Variants in MAP3K2 observed in about 807,000 individuals in gnomAD.
The protein encoded by MAP3K2 is mitogen-activated protein kinase kinase kinase 2.
In MAP3K2, 24 loss-of-function variants were observed where a neutral mutation model predicts 80.3. The ratio of observed to expected loss-of-function variants is 0.30; its 90% confidence interval spans 0.22 to 0.42. The LOEUF (loss-of-function observed/expected upper bound fraction) is 0.42, where lower values mean the gene tolerates loss of function less well. Ranked by LOEUF, MAP3K2 falls within the 10% of genes least tolerant of loss-of-function variation. The pLI is 1.00. For missense variants in MAP3K2, 608 were observed against 750.1 expected, an observed-to-expected ratio of 0.81 and a Z score of 2.21; for synonymous variants, 244 against 253.7, an observed-to-expected ratio of 0.96 and a Z score of 0.36.
At position 127,329,411 on chromosome 2, in the gene MAP3K2, C is replaced by T. The variant is rs1484691791; in HGVS notation, c.466+510G>A. Among the ~76,000 whole-genome samples the T allele has an allele frequency of 2.7e-5, 4 of 147,450 alleles. No homozygotes were observed. In the East Asian group the frequency reaches 6.0e-4, roughly 22 times the overall value. On this transcript the variant is annotated intron_variant, in intron 7 of 16. Coordinates refer to ENST00000682094, the MANE Select transcript of MAP3K2 (RefSeq NM_001371910.2). ...CTTGCTTTGTCGCCAGGCTGGAGTG[C>T]AGTGGCACAATCTCGGCTCACTGCA... is the stretch of plus-strand genomic sequence containing the variant.
intron 2 of MAP3K2, among the ~76,000 whole-genome samples, chr2:127,341,530 GTTTT>G (rs1341901292): frequency 1.1e-5 from 1 of 91,160 alleles, no homozygotes. Context: ...TTTTTTTGTT[GTTTT>G]TTTTTTTTTT....
Position 127,303,263 on chromosome 2 carries a change from G to A in MAP3K2, c.*4316C>T, listed in dbSNP as rs140594786. On this transcript the variant is annotated 3_prime_UTR_variant, in exon 17 of 17. Coordinates refer to ENST00000682094, the MANE Select transcript of MAP3K2 (RefSeq NM_001371910.2). ...TGACAGAGTTCAATTTCTATCAAAT[G>A]TTTTGGGTATTTTCACAATTTAGAC... 6.6e-6 allele frequency: 1 copy of A among 150,662 alleles called. No individual in the cohort carries two copies. Among genetic ancestry groups the A allele is most frequent in the African/African-American group, 2.4e-5 (1 of 41,010 alleles). 9.3% of individuals were successfully genotyped at this position (150,662 alleles called of 1,614,324 possible).
chr2:127,343,875 C>T (rs1416982821), intron 1 of MAP3K2, among the ~76,000 whole-genome samples: 1 of 151,832 alleles, frequency 6.6e-6, no homozygotes, highest in Non-Finnish European at 1.5e-5. Context: ...AAAAATTAGC[C>T]GGGTGCAGTA....
intron 1 of MAP3K2, among the ~76,000 whole-genome samples, chr2:127,351,072 T>C (rs987659220): frequency 3.9e-5 from 6 of 152,264 alleles, no homozygotes; most frequent in South Asian, 4.1e-4. Context: ...GTCGAAATCA[T>C]GAAAGTCAAG....
In MAP3K2 at chr2:127,325,805, C is replaced by T; in HGVS notation, c.600G>A (p.Met200Ile). The change falls in exon 9 of 17, where the codon ATG (methionine) becomes ATA (isoleucine). Residue 200 changes from methionine (M) to isoleucine (I), a missense_variant and splice_region_variant. Met to Ile is a conservative substitution (Grantham distance 10). Around this residue, in one of 4 missense-constraint regions of MAP3K2, gnomAD observed 467 missense variants for 521.9 expected, o/e 0.89. Transcript: ENST00000682094. ...GGCTGCTTAAAGATAATGGATCCAGCATCTAGGAAAAAAAGGAGTTCCACC... is the reference window on the plus strand; with the variant it reads ...GGCTGCTTAAAGATAATGGATCCAGTATCTAGGAAAAAAAGGAGTTCCACC... ...GEFIPESMDQ[M>I]LDPLSLSSPE... 1 of 1,609,906 alleles carries T rather than the reference C, an allele frequency of 6.2e-7. No homozygotes were observed. The highest frequency in any genetic ancestry group is 8.5e-7 in the Non-Finnish European group (1 of 1,177,798).
At chr2:127,378,102 C>T (rs1435002215) in intron 1 of MAP3K2, 10 of 866,480 alleles carry the variant, frequency 1.2e-5, no homozygotes, top group Non-Finnish European at 1.4e-5. Flanking sequence ...AGAAGCTTTA[C>T]CAGAATGCAA....
intron 1 of MAP3K2, among the ~76,000 whole-genome samples, chr2:127,346,409 T>TAAAAAAAAAAAAAAAAAA (rs1223353072): frequency 2.3e-5 from 2 of 85,312 alleles, no homozygotes; most frequent in Non-Finnish European, 2.3e-5. Context: ...AAAACTGGTT[T>TAAAAAAAAAAAAAAAAAA]TAAAAAAAAA....
chr2:127,375,418 A>ATT (rs767717946), intron 1 of MAP3K2, among the ~76,000 whole-genome samples: 2 of 142,048 alleles, frequency 1.4e-5, no homozygotes, highest in African/African-American at 5.3e-5. Context: ...TTATTTATTT[A>ATT]TTTTTTTTTT....
In MAP3K2 at chr2:127,364,532, A is replaced by G. The variant is rs1325939586; in HGVS notation, c.-65-21338T>C. Among the ~76,000 whole-genome samples, 1 of 152,168 alleles carries G rather than the reference A, an allele frequency of 6.6e-6. No individual in the cohort carries two copies. Among genetic ancestry groups the G allele is most frequent in the Non-Finnish European group, 1.5e-5 (1 of 68,022 alleles). ...TGTGGACTGTCAGACGATGTGCTAGACATTTCACATACACTACCACCTAAC... is the reference window on the plus strand; with the variant it reads ...TGTGGACTGTCAGACGATGTGCTAGGCATTTCACATACACTACCACCTAAC... On this transcript the variant is annotated intron_variant, in intron 1 of 16. Transcript: ENST00000682094. The surrounding 1 kb of genome is among the most constrained non-coding windows in gnomAD (Gnocchi z 4.1).
chr2:127,373,111 G>A (rs1687093599), intron 1 of MAP3K2, among the ~76,000 whole-genome samples: 1 of 152,188 alleles, frequency 6.6e-6, no homozygotes, highest in Non-Finnish European at 1.5e-5. Flanking sequence ...GATTCCAATG[G>A]AAAGTGCTTC....
At position 127,324,232 on chromosome 2, in the gene MAP3K2, A is replaced by G; in HGVS notation, c.687T>C (p.Tyr229=). The change falls in exon 10 of 17, where the codon TAT becomes TAC. Residue 229 remains tyrosine, a synonymous_variant. Coordinates refer to ENST00000682094, the MANE Select transcript of MAP3K2 (RefSeq NM_001371910.2). The part of the protein sequence containing the change: ...SLDSPLDGES[Y]PKSRMPRAQS... ...GAGCCCTAGGCATTCGTGATTTTGG[A>G]TAGCTCTCTCTATAAAGAAAAAACA... The G allele has an allele frequency of 6.4e-7, 1 of 1,555,936 alleles. No individual in the cohort carries two copies. Among genetic ancestry groups the G allele is most frequent in the Admixed American group, 2.0e-5 (1 of 50,396 alleles).
intron 1 of MAP3K2, among the ~76,000 whole-genome samples, chr2:127,349,020 T>C (rs889867699): frequency 3.3e-5 from 5 of 152,214 alleles, no homozygotes; most frequent in Admixed American, 6.5e-5. Context: ...CATGCTGCCA[T>C]TTTGTAAGCA....
intron 1 of MAP3K2, among the ~76,000 whole-genome samples, chr2:127,379,466 C>T (rs1042572851): frequency 5.3e-5 from 8 of 152,180 alleles, no homozygotes; most frequent in Non-Finnish European, 4.4e-5. Flanking sequence ...GTCTAGATCC[C>T]AAGCTCATAA....
chr2:127,379,798 CT>C (rs1442721210), intron 1 of MAP3K2, among the ~76,000 whole-genome samples: 1 of 152,198 alleles, frequency 6.6e-6, no homozygotes, highest in African/African-American at 2.4e-5. Flanking sequence ...GCCAGGCTGC[CT>C]GAGTTCAAGT....
intron 9 of MAP3K2, 32 bp downstream of exon 9, chr2:127,325,696 A>T (rs747110582): frequency 6.5e-7 from 1 of 1,545,004 alleles, no homozygotes; most frequent in African/African-American, 1.4e-5. Flanking sequence ...AAATAAACAA[A>T]TAAACCCTCC....
intron 1 of MAP3K2, among the ~76,000 whole-genome samples, chr2:127,361,661 TTAA>T (rs1686894529): frequency 6.6e-6 from 1 of 152,238 alleles, no homozygotes; most frequent in African/African-American, 2.4e-5. Flanking sequence ...TTATCGAGTT[TTAA>T]AAGGTCTTTT....
intron 1 of MAP3K2, among the ~76,000 whole-genome samples, chr2:127,380,744 A>T (rs925677867): frequency 2.0e-5 from 3 of 152,248 alleles, no homozygotes; most frequent in Admixed American, 6.5e-5. Context: ...CCAATGTTCC[A>T]AATCAATCCC....
intron 1 of MAP3K2, among the ~76,000 whole-genome samples, chr2:127,350,623 TTAAG>T (rs1686677030): frequency 1.3e-5 from 2 of 151,882 alleles, no homozygotes; most frequent in South Asian, 2.1e-4. Flanking sequence ...ATAGAAATAA[TTAAG>T]TAATAATTCA....
chr2:127,314,310 C>G (rs1685860988), intron 15 of MAP3K2, among the ~76,000 whole-genome samples: 1 of 152,154 alleles, frequency 6.6e-6, no homozygotes, highest in Non-Finnish European at 1.5e-5. Context: ...TGCATTAACT[C>G]ATTTACTCCT....
Sources: allele counts gnomAD v4.1 joint callset (sites outside exome capture counted in the v4.1 genomes callset), GRCh38; gene constraint gnomAD v4.1.1; regional missense constraint gnomAD v4.1.1; non-coding constraint Gnocchi (gnomAD v3.1); transcripts MANE v1.5; gene names NCBI Gene and HGNC (gene_info 2026-07-23, HGNC 2026-07-21).